SAMD7: variants seen among roughly 807,000 people sequenced by gnomAD.
SAMD7 encodes sterile alpha motif domain containing 7.
Under a neutral mutation model 36.7 loss-of-function variants are expected in SAMD7, and 34 were observed. That is an observed-to-expected ratio of 0.93 (90% CI 0.71 to 1.23). The LOEUF (loss-of-function observed/expected upper bound fraction) is 1.23, where lower values mean the gene tolerates loss of function less well. Ranked by LOEUF, SAMD7 falls within the 50% of genes most tolerant of loss-of-function variation. SAMD7 has a pLI of 0.00. For synonymous variants in SAMD7, 188 were observed against 189.7 expected, an observed-to-expected ratio of 0.99 and a Z score of 0.07; for missense variants, 570 against 546.6, an observed-to-expected ratio of 1.04 and a Z score of -0.43.
At chr3:169,933,264 T>G (rs1363498567) in intron 7 of SAMD7, 2 of 494,966 alleles carry the variant, frequency 4.0e-6, no homozygotes, top group African/African-American at 2.0e-5. Flanking sequence ...TGAAACTTCT[T>G]TTTACAAAGA....
intron 1 of SAMD7, among the ~76,000 whole-genome samples, chr3:169,913,634 C>T (rs528332060): frequency 2.0e-5 from 3 of 152,186 alleles, no homozygotes; most frequent in Non-Finnish European, 2.9e-5. Context: ...GACCTAAGCA[C>T]CACTGCACTC....
In SAMD7 at chr3:169,919,260, AAC is replaced by A. The variant is rs1482048501; in HGVS notation, c.-41-196_-41-195del. 2.0e-5 allele frequency among the ~76,000 whole-genome samples: 3 copies of A among 152,328 alleles called. No individual in the cohort carries two copies. The East Asian group carries it at 5.8e-4, about 29-fold the overall frequency. ...GTACCGTATTACCTGTGAACTCTGC[AAC>A]AAATTCCAAGGGCATACTGATAAAA... On this transcript the variant is annotated intron_variant, in intron 2 of 8. Transcript: ENST00000335556.
intron 7 of SAMD7, among the ~76,000 whole-genome samples, chr3:169,935,646 A>G (rs1713690308): frequency 6.6e-6 from 1 of 152,190 alleles, no homozygotes; most frequent in Non-Finnish European, 1.5e-5. Context: ...TCAACTGTGA[A>G]TATAGAAGGA....
At chr3:169,927,321 G>A in intron 6 of SAMD7, 140 bp downstream of exon 6, 1 of 612,570 alleles carries the variant, frequency 1.6e-6, no homozygotes, top group Non-Finnish European at 2.3e-6. Flanking sequence ...TTGAGACGGA[G>A]TCCCGCTCAG....
At chr3:169,934,185 C>G (rs536909039) in intron 7 of SAMD7, among the ~76,000 whole-genome samples, 18 of 152,166 alleles carry the variant, frequency 1.2e-4, no homozygotes, top group South Asian at 4.2e-4. Context: ...AAGTAGGGAG[C>G]GGCATGGTTA....
chr3:169,914,703 CT>C (rs1035786636), intron 1 of SAMD7, among the ~76,000 whole-genome samples: 1 of 152,100 alleles, frequency 6.6e-6, no homozygotes, highest in Non-Finnish European at 1.5e-5. Flanking sequence ...AAGACTTATC[CT>C]TTCCCATTGG....
intron 7 of SAMD7, among the ~76,000 whole-genome samples, chr3:169,935,198 G>GTCCCTTC (rs2108266493): frequency 6.6e-6 from 1 of 152,280 alleles, no homozygotes; most frequent in East Asian, 1.9e-4. Context: ...ACATGAGGCA[G>GTCCCTTC]CATTTGGAAA....
intron 2 of SAMD7, among the ~76,000 whole-genome samples, chr3:169,916,322 C>T (rs1341229506): frequency 2.0e-5 from 3 of 152,004 alleles, no homozygotes; most frequent in Admixed American, 6.6e-5. Flanking sequence ...TTATGCTAGA[C>T]GAGTAAGTTC....
chr3:169,930,886 G>A (rs1051511181), intron 7 of SAMD7, among the ~76,000 whole-genome samples: 1 of 151,880 alleles, frequency 6.6e-6, no homozygotes, highest in Non-Finnish European at 1.5e-5. Context: ...CAGCCCCATA[G>A]CCCCTTTCTT....
chr3:169,931,948 A>G, intron 7 of SAMD7: 1 of 391,824 alleles, frequency 2.6e-6, no homozygotes, highest in Non-Finnish European at 4.4e-6. Context: ...CCTCTCCTTG[A>G]TAAGTGAGCC....
chr3:169,936,339 G>T lies in SAMD7; in HGVS notation c.1042G>T (p.Val348Leu). The T allele has an allele frequency of 6.4e-7, 1 of 1,567,290 alleles. No homozygotes were observed. ...GTTAACACCTTTTGTATTTATGAAG[G>T]TATTTAAAGATCATGCAATTGATGG... Reference protein sequence around the residue: ...SLPGCSDYAQVFKDHAIDGET... With the variant: ...SLPGCSDYAQLFKDHAIDGET... The change falls in exon 8 of 9, where the codon GTA (valine) becomes TTA (leucine). Residue 348 changes from valine to leucine, a missense_variant and splice_region_variant. By Grantham distance (32) the Val-to-Leu change is conservative (BLOSUM62 1). Transcript: ENST00000335556.
intron 7 of SAMD7, among the ~76,000 whole-genome samples, chr3:169,934,499 A>G (rs532425025): frequency 2.0e-5 from 3 of 152,270 alleles, no homozygotes; most frequent in African/African-American, 7.2e-5. Context: ...ACTTCATGTC[A>G]CTGAAAGAGG....
intron 2 of SAMD7, among the ~76,000 whole-genome samples, chr3:169,916,059 T>TTTGC (rs899656020): frequency 2.0e-5 from 3 of 151,704 alleles, no homozygotes; most frequent in African/African-American, 7.3e-5. Flanking sequence ...TTTGTTTTTG[T>TTTGC]TTGATTTTTG....
At chr3:169,928,954 T>C (rs1713384121) in intron 7 of SAMD7, among the ~76,000 whole-genome samples, 1 of 152,164 alleles carries the variant, frequency 6.6e-6, no homozygotes, top group Admixed American at 6.5e-5. Context: ...GACTTCTGGG[T>C]GAGAAGTTTT....
intron 2 of SAMD7, among the ~76,000 whole-genome samples, chr3:169,916,576 C>A (rs764747009): frequency 1.1e-4 from 16 of 151,902 alleles, no homozygotes; most frequent in Non-Finnish European, 5.9e-5. Context: ...TGAACCCGGG[C>A]GACAGAGGTT....
chr3:169,925,150 G>A lies in SAMD7; in HGVS notation c.290+14G>A. The A allele has an allele frequency of 1.3e-6, 2 of 1,572,802 alleles. No individual in the cohort carries two copies. Among genetic ancestry groups the A allele is most frequent in the Non-Finnish European group, 8.7e-7 (1 of 1,149,290 alleles). On this transcript the variant is annotated intron_variant, in intron 5 of 8. Transcript: ENST00000335556. ...TCATACTGCCAGGTAATTTGGCAAT[G>A]TTGTTTTATTTATTCTCTATTCATT...
chr3:169,927,285 C>CTTT lies in SAMD7; in HGVS notation c.919+129_919+131dup, dbSNP rs71634451. 1.7e-3 allele frequency: 235 copies of CTTT among 141,730 alleles called. 4 individuals are homozygous for CTTT. Among genetic ancestry groups the CTTT allele is most frequent in the Middle Eastern group, 3.3e-3 (1 of 306 alleles). 8.8% of individuals were successfully genotyped at this position (141,730 alleles called of 1,614,324 possible). A position where few individuals can be genotyped will look rare whatever the true frequency, so the allele number is the denominator to read the frequency against. ...AACCATCCTGCCTCTTTTTATCTTT[C>CTTT]TTTTTTTTTTTTTTTTTTTTTTTTT... On this transcript the variant is annotated intron_variant, in intron 6 of 8. Coordinates refer to ENST00000335556, the MANE Select transcript of SAMD7 (RefSeq NM_001304366.2).
intron 3 of SAMD7, 105 bp downstream of exon 3, chr3:169,919,689 C>A: frequency 1.1e-6 from 1 of 942,974 alleles, no homozygotes; most frequent in Non-Finnish European, 1.7e-6. Context: ...AATATTATTT[C>A]AGTGAACTGT....
In SAMD7 at chr3:169,938,348, A is replaced by C; in HGVS notation, c.1183A>C (p.Lys395Gln). The C allele has an allele frequency of 6.2e-7, 1 of 1,611,250 alleles. No homozygotes were observed. The highest frequency in any genetic ancestry group is 1.3e-5 in the African/African-American group (1 of 74,968). Residue 395 changes from lysine (K) to glutamine (Q), a missense_variant, in exon 9 of 9, where the codon AAG becomes CAG. Physicochemically the swap from Lys to Gln is moderately conservative, Grantham distance 53. Transcript: ENST00000335556. ...VSQHVGSMFY[K>Q]KTLSFPIRQA... is the part of the protein sequence containing the mutation. ...TCAGCATGTGGGAAGTATGTTCTAC[A>C]AGAAAACTCTTTCATTTCCTATAAG...
Sources: gnomAD v4.1 joint callset for allele counts (sites outside exome capture counted in the v4.1 genomes callset) on GRCh38, gnomAD v4.1.1 for gene constraint, MANE v1.5 for transcripts, NCBI Gene and HGNC (gene_info 2026-07-23, HGNC 2026-07-21) for gene names.